ME1: variants seen among roughly 807,000 people sequenced by gnomAD.
ME1 encodes malic enzyme 1.
ME1 carries 74 observed loss-of-function variants against 66.4 expected under a neutral mutation model. The observed-to-expected ratio is 1.11, with a 90% CI of 0.92 to 1.35. The LOEUF is 1.35. Among genes scored for constraint, ME1 ranks in the 40% most tolerant of loss-of-function variants. The pLI is 0.00. For synonymous variants in ME1, 251 were observed against 235.6 expected (o/e 1.07, Z -0.60); for missense variants, 750 against 694.1 (o/e 1.08, Z -0.90).
In ME1 at chr6:83,343,715, G is replaced by C. The variant is rs986065789; in HGVS notation, c.600+2458C>G. Among the ~76,000 whole-genome samples, 36 of 152,144 alleles carry C rather than the reference G, an allele frequency of 2.4e-4. 1 individual carries two copies. Among genetic ancestry groups the C allele is most frequent in the Admixed American group, 2.1e-3 (32 of 15,272 alleles). On this transcript the variant is annotated intron_variant, in intron 5 of 13. Transcript: ENST00000369705. ...TGCGTTCTGCAGGCTGAGGAAGTAA[G>C]ATACTGGATAGAAATGTAATAACAT...
At chr6:83,309,420 T>C (rs1450561811) in intron 6 of ME1, among the ~76,000 whole-genome samples, 1 of 152,182 alleles carries the variant, frequency 6.6e-6, no homozygotes, top group African/African-American at 2.4e-5. Context: ...TACTAAGTTT[T>C]GTAGGTGGCC....
intron 7 of ME1, among the ~76,000 whole-genome samples, chr6:83,251,764 G>A (rs988761663): frequency 1.3e-5 from 2 of 152,068 alleles, no homozygotes; most frequent in South Asian, 2.1e-4. Context: ...AATGAGTGAC[G>A]AGAGAAACAT....
At chr6:83,345,985 G>A (rs1407060265) in intron 5 of ME1, among the ~76,000 whole-genome samples, 188 bp downstream of exon 5, 8 of 152,132 alleles carry the variant, frequency 5.3e-5, no homozygotes, top group Middle Eastern at 3.4e-3. Context: ...GATTAATCAC[G>A]TTATTAAGAT....
At chr6:83,227,276 G>T in intron 11 of ME1, 59 bp downstream of exon 11, 1 of 1,225,450 alleles carries the variant, frequency 8.2e-7, no homozygotes, top group Non-Finnish European at 1.1e-6. Flanking sequence ...GATATCCTAG[G>T]CCTCCCTATA....
At chr6:83,354,113 A>C (rs1348997645) in intron 3 of ME1, among the ~76,000 whole-genome samples, 1 of 151,968 alleles carries the variant, frequency 6.6e-6, no homozygotes, top group Non-Finnish European at 1.5e-5. Flanking sequence ...CACTGATGTA[A>C]CTTAAGCACT....
intron 2 of ME1, among the ~76,000 whole-genome samples, chr6:83,404,075 G>T (rs1365481935): frequency 6.6e-6 from 1 of 152,054 alleles, no homozygotes; most frequent in Non-Finnish European, 1.5e-5. Flanking sequence ...TTGAGGAATC[G>T]CCACACTGTC....
At chr6:83,415,352 A>G (rs1770140583) in intron 1 of ME1, among the ~76,000 whole-genome samples, 1 of 152,148 alleles carries the variant, frequency 6.6e-6, no homozygotes, top group Admixed American at 6.5e-5. Context: ...ATCTCCTTCA[A>G]GGGATAATTC....
At chr6:83,289,173 C>T (rs1445121310) in intron 6 of ME1, among the ~76,000 whole-genome samples, 1 of 152,208 alleles carries the variant, frequency 6.6e-6, no homozygotes, top group Non-Finnish European at 1.5e-5. Context: ...CTGGCCAGAA[C>T]TTCCAATACT....
chr6:83,426,132 T>C (rs955067853), intron 1 of ME1, among the ~76,000 whole-genome samples: 4 of 152,202 alleles, frequency 2.6e-5, no homozygotes, highest in African/African-American at 9.6e-5. Flanking sequence ...ACACAGCTAA[T>C]TGGGAGGCTT....
chr6:83,405,299 TC>T (rs1769918225), intron 2 of ME1, among the ~76,000 whole-genome samples: 2 of 152,278 alleles, frequency 1.3e-5, no homozygotes, highest in Admixed American at 1.3e-4. Context: ...ATGATTTGGC[TC>T]TCTGCTTGTC....
intron 5 of ME1, among the ~76,000 whole-genome samples, chr6:83,342,945 A>G (rs1768617018): frequency 6.6e-6 from 1 of 152,042 alleles, no homozygotes; most frequent in Non-Finnish European, 1.5e-5. Flanking sequence ...TGGCCTCCCA[A>G]AGTTCTGGGA....
At chr6:83,292,952 G>C (rs565682263) in intron 6 of ME1, among the ~76,000 whole-genome samples, 1 of 152,314 alleles carries the variant, frequency 6.6e-6, no homozygotes, top group African/African-American at 2.4e-5. Flanking sequence ...CACTGAGCCA[G>C]GCATGGGAGG....
At chr6:83,366,118 T>G (rs1019833073) in intron 3 of ME1, among the ~76,000 whole-genome samples, 1 of 152,208 alleles carries the variant, frequency 6.6e-6, no homozygotes, top group African/African-American at 2.4e-5. Context: ...TGGCTTCATC[T>G]CCCATTAAGG....
rs1789853825 is a variant in ME1, at chr6:83,210,455, T to A, written c.*1469A>T. The stretch of plus-strand genomic sequence containing the variant: ...ACCTTTTCTATGCTTTAATAAATCT[T>A]TTGCATAGGTAAACACATTTAGTCA... On this transcript the variant is annotated 3_prime_UTR_variant, in exon 14 of 14. Coordinates refer to ENST00000369705, the MANE Select transcript of ME1 (RefSeq NM_002395.6). 1 of 152,600 alleles carries A rather than the reference T, an allele frequency of 6.6e-6. No individual in the cohort carries two copies. The highest frequency in any genetic ancestry group is 2.1e-4 in the South Asian group (1 of 4,832). The allele number at this position is 152,600 out of a possible 1,614,324, so 9.5% of individuals were successfully genotyped here.
At chr6:83,246,265 T>C (rs980497084) in intron 7 of ME1, among the ~76,000 whole-genome samples, 1 of 152,190 alleles carries the variant, frequency 6.6e-6, no homozygotes, top group Non-Finnish European at 1.5e-5. Flanking sequence ...CCATGTTTGA[T>C]CTTTTTCAGT....
chr6:83,235,617 C>T (rs1310415503), intron 9 of ME1, among the ~76,000 whole-genome samples: 2 of 151,932 alleles, frequency 1.3e-5, no homozygotes, highest in Non-Finnish European at 2.9e-5. Context: ...ACTACAGGCG[C>T]CCACCACCAT....
chr6:83,281,979 A>C (rs886431455), intron 6 of ME1, among the ~76,000 whole-genome samples: 4 of 151,566 alleles, frequency 2.6e-5, no homozygotes, highest in African/African-American at 9.7e-5. Context: ...AAAAAAAATC[A>C]ATCAGAGCTT....
chr6:83,346,313 C>G lies in ME1; in HGVS notation c.460G>C (p.Glu154Gln). The G allele has an allele frequency of 6.2e-7, 1 of 1,607,934 alleles. No homozygotes were observed. Among genetic ancestry groups the G allele is most frequent in the Non-Finnish European group, 8.5e-7 (1 of 1,176,870 alleles). The change falls in exon 5 of 14, where the codon GAG becomes CAG. Residue 154 changes from glutamate to glutamine, a missense_variant. Transcript: ENST00000369705. ...VIKAIVVTDG[E>Q]RILGLGDLGC... ...AGGTCTCCCAAGCCAAGAATACGCT[C>G]TCCATCAGTCACCACAATGGCCTGG...
chr6:83,421,199 G>T (rs775777473), intron 1 of ME1, among the ~76,000 whole-genome samples: 5 of 151,946 alleles, frequency 3.3e-5, no homozygotes, highest in Non-Finnish European at 4.4e-5. Flanking sequence ...TAGAGTTTTT[G>T]TCTTACATGA....
Sources: gnomAD v4.1 joint callset for allele counts (sites outside exome capture counted in the v4.1 genomes callset) on GRCh38, gnomAD v4.1.1 for gene constraint, MANE v1.5 for transcripts, NCBI Gene and HGNC (gene_info 2026-07-23, HGNC 2026-07-21) for gene names.